Variants in CPD observed in about 807,000 individuals in gnomAD.
The protein encoded by CPD is metallocarboxypeptidase D.
A neutral mutation model predicts 138.3 loss-of-function variants in CPD; 69 were observed. The observed-to-expected ratio is 0.50, with a 90% confidence interval of 0.41 to 0.61. The LOEUF is 0.61. Among genes scored for constraint, CPD ranks in the 20% least tolerant of loss-of-function variants. The pLI is 0.00. For synonymous variants in CPD, 651 were observed against 642.1 expected (o/e 1.01, Z -0.21); for missense variants, 1,432 against 1,733.3 (o/e 0.83, Z 3.09).
At chr17:30,420,386 C>T (rs1912234360) in intron 2 of CPD, among the ~76,000 whole-genome samples, 1 of 152,116 alleles carries the variant, frequency 6.6e-6, no homozygotes, top group Non-Finnish European at 1.5e-5. Flanking sequence ...GATGTGTACC[C>T]TTTATTTTCT....
intron 7 of CPD, among the ~76,000 whole-genome samples, chr17:30,430,009 T>C (rs867433956): frequency 1.3e-5 from 2 of 152,194 alleles, no homozygotes; most frequent in South Asian, 2.1e-4. Flanking sequence ...TCTAAATAAT[T>C]AACATGCTAA....
chr17:30,464,112 C>T (rs1913565764), intron 20 of CPD, among the ~76,000 whole-genome samples: 1 of 152,000 alleles, frequency 6.6e-6, no homozygotes, highest in Admixed American at 6.5e-5. Flanking sequence ...GATCTGGAGC[C>T]AGGCATGGTG....
At position 30,378,952 on chromosome 17, in the gene CPD, G is replaced by T. The variant is rs188658801; in HGVS notation, c.-29G>T. On this transcript the variant is annotated 5_prime_UTR_variant, in exon 1 of 21. Transcript: ENST00000225719. ...GCCCGGAGCGCTGAGCCGCGGGAGC[G>T]GAGCCGGGGTTAGCGGCGCTGCTGG... 1.8e-4 allele frequency: 255 copies of T among 1,434,914 alleles called. 2 individuals are homozygous for T. The East Asian group carries it at 6.3e-3, about 35-fold the overall frequency. 88.9% of individuals were successfully genotyped at this position (1,434,914 alleles called of 1,614,324 possible). A position where few individuals can be genotyped will look rare whatever the true frequency, so the allele number is the denominator to read the frequency against.
rs188883639 is a variant in CPD, at chr17:30,427,484, C to T, written c.1943C>T (p.Thr648Met). 7.1e-5 allele frequency: 114 copies of T among 1,614,104 alleles called. No homozygotes were observed. Among genetic ancestry groups the T allele is most frequent in the Admixed American group, 1.7e-4 (10 of 60,026 alleles). The change falls in exon 7 of 21, where the codon ACG becomes ATG. Residue 648 changes from threonine (T) to methionine (M), a missense_variant. Transcript: ENST00000225719. Reference protein sequence around the residue: ...PDQFVQITDPTQPETIAVMSW... With the variant: ...PDQFVQITDPMQPETIAVMSW... ...CAGTTTGTTCAGATCACAGATCCTA[C>T]GCAACCAGAAACTATTGCTGTAATG...
At chr17:30,391,471 A>C (rs985742125) in intron 2 of CPD, among the ~76,000 whole-genome samples, 1 of 152,216 alleles carries the variant, frequency 6.6e-6, no homozygotes, top group African/African-American at 2.4e-5. Flanking sequence ...CAGGCAACGT[A>C]TAGTTGAAAT....
intron 4 of CPD, 52 bp from the exon 5 acceptor site, chr17:30,422,622 G>A (rs952369607): frequency 1.7e-6 from 2 of 1,198,532 alleles, no homozygotes; most frequent in Non-Finnish European, 1.2e-6. Flanking sequence ...TAATATTAAA[G>A]CATTGTATGT....
rs377313543 is a variant in CPD at position 30,455,579 on chromosome 17, C to CT, written c.3337+110dup. The CT allele has an allele frequency of 1.1e-4, 134 of 1,231,666 alleles. 1 individual carries two copies. The African/African-American group carries it at 1.7e-3, about 16-fold the overall frequency. 76.3% of individuals were successfully genotyped at this position (1,231,666 alleles called of 1,614,324 possible). ...TAAATAGTGAGCATTTGAGCACACT[C>CT]TATGAGCAAATTACCAACCAAAGAA... On this transcript the variant is annotated intron_variant, in intron 15 of 20. Coordinates refer to ENST00000225719, the MANE Select transcript of CPD (RefSeq NM_001304.5).
intron 2 of CPD, among the ~76,000 whole-genome samples, chr17:30,415,601 G>T (rs1400061901): frequency 6.6e-6 from 1 of 152,040 alleles, no homozygotes; most frequent in Non-Finnish European, 1.5e-5. Flanking sequence ...AATGGGCAAA[G>T]GACTTAAATG....
chr17:30,403,204 G>A (rs1454798153), intron 2 of CPD, among the ~76,000 whole-genome samples: 1 of 152,208 alleles, frequency 6.6e-6, no homozygotes, highest in Non-Finnish European at 1.5e-5. Flanking sequence ...CTCGCCTTAT[G>A]TAAGCTGTAA....
Position 30,402,333 on chromosome 17 carries a change from A to G in CPD, c.994+17097A>G, listed in dbSNP as rs1346309216. Among the ~76,000 whole-genome samples the G allele has an allele frequency of 2.6e-5, 4 of 152,210 alleles. No homozygotes were observed. In the East Asian group the frequency reaches 7.7e-4, roughly 29 times the overall value. On this transcript the variant is annotated intron_variant, in intron 2 of 20. Coordinates refer to ENST00000225719, the MANE Select transcript of CPD (RefSeq NM_001304.5). ...GTAATCTCAGCAATTCGGGAGGCCA[A>G]GGTGGGTGGATTACTTGAGGTCCAG...
chr17:30,421,935 C>A, intron 4 of CPD, 102 bp downstream of exon 4: 1 of 919,736 alleles, frequency 1.1e-6, no homozygotes, highest in Non-Finnish European at 1.6e-6. Flanking sequence ...TTTTTTGTGG[C>A]TTTTATTTTT....
At chr17:30,418,423 T>G (rs916564272) in intron 2 of CPD, among the ~76,000 whole-genome samples, 3 of 152,090 alleles carry the variant, frequency 2.0e-5, no homozygotes, top group African/African-American at 7.2e-5. Context: ...GCTCAAGCAG[T>G]CTGCCCAGGC....
intron 2 of CPD, among the ~76,000 whole-genome samples, chr17:30,414,132 G>A (rs2143392793): frequency 6.6e-6 from 1 of 152,336 alleles, no homozygotes; most frequent in East Asian, 1.9e-4. Flanking sequence ...AAAAGACTTT[G>A]GCTTTTAGTC....
At chr17:30,396,241 A>G (rs934513532) in intron 2 of CPD, among the ~76,000 whole-genome samples, 3 of 152,172 alleles carry the variant, frequency 2.0e-5, no homozygotes, top group Non-Finnish European at 4.4e-5. Flanking sequence ...TAGGGTAGAA[A>G]TTGTCTGTCT....
intron 4 of CPD, among the ~76,000 whole-genome samples, 190 bp from the exon 5 acceptor site, chr17:30,422,484 G>A (rs1248583952): frequency 6.6e-6 from 1 of 152,172 alleles, no homozygotes; most frequent in African/African-American, 2.4e-5. Context: ...GAGAGAAATA[G>A]TTGTTCAATC....
intron 2 of CPD, among the ~76,000 whole-genome samples, chr17:30,394,342 T>G (rs1911442060): frequency 6.6e-6 from 1 of 152,108 alleles, no homozygotes; most frequent in Non-Finnish European, 1.5e-5. Context: ...CCTTCACATG[T>G]TAGGCTATCC....
At chr17:30,434,153 CAAT>C (rs1912639601) in intron 8 of CPD, among the ~76,000 whole-genome samples, 1 of 152,096 alleles carries the variant, frequency 6.6e-6, no homozygotes, top group African/African-American at 2.4e-5. Context: ...CAGCCAAAGA[CAAT>C]GATGGCTATG....
At position 30,462,003 on chromosome 17, in the gene CPD, G is replaced by A. The variant is rs1454121534; in HGVS notation, c.3757G>A (p.Ala1253Thr). 6.2e-7 allele frequency: 1 copy of A among 1,613,922 alleles called. No individual in the cohort carries two copies. The highest frequency in any genetic ancestry group is 8.5e-7 in the Non-Finnish European group (1 of 1,179,898). ...GGGAGGTTATTTCCATGTACTCTTA[G>A]CGCCAGGTGTCCATAACATTATTGC... ...KEGGYFHVLL[A>T]PGVHNIIAIA... Residue 1253 changes from alanine (A) to threonine (T), a missense_variant, in exon 19 of 21, where the codon GCG (alanine) becomes ACG (threonine). Ala to Thr is a moderately conservative substitution (Grantham distance 58). Transcript: ENST00000225719.
Position 30,378,971 on chromosome 17 carries a change from C to G in CPD, c.-10C>G, listed in dbSNP as rs1910961423. ...GGGAGCGGAGCCGGGGTTAGCGGCG[C>G]TGCTGGAAGATGGCGAGCGGCCGGG... On this transcript the variant is annotated 5_prime_UTR_variant, in exon 1 of 21. Coordinates refer to ENST00000225719, the MANE Select transcript of CPD (RefSeq NM_001304.5). 1.3e-6 allele frequency: 2 copies of G among 1,511,602 alleles called. No homozygotes were observed. The highest frequency in any genetic ancestry group is 8.8e-7 in the Non-Finnish European group (1 of 1,141,920). 93.6% of individuals were successfully genotyped at this position (1,511,602 alleles called of 1,614,324 possible).
Sources: allele counts gnomAD v4.1 joint callset (sites outside exome capture counted in the v4.1 genomes callset), GRCh38; gene constraint gnomAD v4.1.1; transcripts MANE v1.5; gene names NCBI Gene and HGNC (gene_info 2026-07-23, HGNC 2026-07-21).